Variants in PLXNA4 observed in about 807,000 individuals in gnomAD.
The protein encoded by PLXNA4 is plexin A4.
PLXNA4 carries 44 observed loss-of-function variants against 191.8 expected under a neutral mutation model. That is an observed-to-expected ratio of 0.23 (90% CI 0.18 to 0.29). PLXNA4 has a LOEUF of 0.29. PLXNA4 is among the 10% of genes least tolerant of loss of function. PLXNA4 has a pLI of 1.00. For missense variants in PLXNA4, 1,800 were observed against 2,488.8 expected (o/e 0.72, Z 5.89); for synonymous variants, 1,082 against 1,009.5 (o/e 1.07, Z -1.36).
chr7:132,497,813 T>A (rs1051361506), intron 2 of PLXNA4, among the ~76,000 whole-genome samples: 12 of 152,146 alleles, frequency 7.9e-5, no homozygotes, highest in Non-Finnish European at 1.8e-4. Context: ...ATGGAAACAA[T>A]GCTGGAGTGA....
At chr7:132,420,318 A>T (rs1456286486) in intron 3 of PLXNA4, among the ~76,000 whole-genome samples, 5 of 152,168 alleles carry the variant, frequency 3.3e-5, no homozygotes, top group Admixed American at 3.3e-4. Flanking sequence ...TACCCATGGG[A>T]CTGTGATCCA....
chr7:132,328,078 C>T (rs571285707), intron 3 of PLXNA4, among the ~76,000 whole-genome samples: 14 of 152,188 alleles, frequency 9.2e-5, no homozygotes, highest in South Asian at 2.1e-4. Context: ...TTCCTCGTTC[C>T]GCTCTGGCAG....
intron 2 of PLXNA4, among the ~76,000 whole-genome samples, chr7:132,617,941 T>C (rs1803187544): frequency 6.6e-6 from 1 of 152,220 alleles, no homozygotes; most frequent in East Asian, 1.9e-4. Flanking sequence ...CCTTTACCAT[T>C]GAGCTTCCTT....
intron 1 of PLXNA4, among the ~76,000 whole-genome samples, chr7:132,550,035 C>A (rs775721101): frequency 6.6e-6 from 1 of 152,152 alleles, no homozygotes; most frequent in East Asian, 1.9e-4. Context: ...CCAACCCAGA[C>A]TTTGGGGTTG....
At chr7:132,626,387 G>A (rs925121975) in intron 2 of PLXNA4, among the ~76,000 whole-genome samples, 14 of 152,292 alleles carry the variant, frequency 9.2e-5, no homozygotes, top group African/African-American at 2.9e-4. Context: ...GATATATGTC[G>A]CTGCCCAAAT....
At chr7:132,647,216 C>T (rs866503334) in intron 1 of PLXNA4, among the ~76,000 whole-genome samples, 1 of 150,864 alleles carries the variant, frequency 6.6e-6, no homozygotes, top group African/African-American at 2.5e-5. Flanking sequence ...CTATCATATA[C>T]ACACATATAC....
At chr7:132,309,412 G>A (rs1801643481) in intron 3 of PLXNA4, among the ~76,000 whole-genome samples, 1 of 152,050 alleles carries the variant, frequency 6.6e-6, no homozygotes, top group Admixed American at 6.6e-5. Context: ...CAGGCACAGA[G>A]ACGCAGGCCA....
intron 2 of PLXNA4, 55 bp downstream of exon 2, chr7:132,507,451 G>C: frequency 6.5e-7 from 1 of 1,533,210 alleles, no homozygotes; most frequent in Non-Finnish European, 8.8e-7. Context: ...CTACAGGCTG[G>C]GGTTCTCATC....
At chr7:132,461,613 T>A (rs1408403030) in intron 3 of PLXNA4, among the ~76,000 whole-genome samples, 3 of 152,186 alleles carry the variant, frequency 2.0e-5, no homozygotes, top group African/African-American at 7.2e-5. Flanking sequence ...TCAACACACA[T>A]CCATATCCTA....
intron 3 of PLXNA4, among the ~76,000 whole-genome samples, chr7:132,369,331 C>A (rs1290343663): frequency 6.6e-6 from 1 of 152,124 alleles, no homozygotes; most frequent in Non-Finnish European, 1.5e-5. Flanking sequence ...AGCATTTTTT[C>A]CCCTTCTCAG....
At chr7:132,466,708 C>T (rs1455319193) in intron 3 of PLXNA4, among the ~76,000 whole-genome samples, 5 of 152,176 alleles carry the variant, frequency 3.3e-5, no homozygotes, top group African/African-American at 1.2e-4. Context: ...CCCCCTCCCT[C>T]GGGGGCAGTC....
At position 132,508,684 on chromosome 7, in the gene PLXNA4, T is replaced by C; in HGVS notation, c.10A>G (p.Met4Val). Residue 4 changes from methionine (M) to valine (V), a missense_variant, in exon 2 of 32, where the codon ATG becomes GTG. Coordinates refer to ENST00000321063, the MANE Select transcript of PLXNA4 (RefSeq NM_020911.2). The surrounding 1 kb of genome is among the most constrained non-coding windows in gnomAD (Gnocchi z 4.4). MKA[M>V]PWNWTCLLSH... The stretch of plus-strand genomic sequence containing the variant: ...AGAAGGCAGGTCCAGTTCCAGGGCA[T>C]GGCTTTCATGGCAGAGGCGGGTCCC... 6.6e-7 allele frequency: 1 copy of C among 1,515,634 alleles called. No homozygotes were observed. 93.9% of individuals were successfully genotyped at this position (1,515,634 alleles called of 1,614,324 possible). A position where few individuals can be genotyped will look rare whatever the true frequency, so the allele number is the denominator to read the frequency against.
At chr7:132,226,057 G>C in intron 8 of PLXNA4, 104 bp downstream of exon 8, 1 of 1,082,062 alleles carries the variant, frequency 9.2e-7, no homozygotes, top group Non-Finnish European at 1.4e-6. Context: ...GCCTCCTCTG[G>C]GGCTTCTAAA....
chr7:132,146,477 G>A, intron 28 of PLXNA4, 33 bp downstream of exon 28: 1 of 1,614,038 alleles, frequency 6.2e-7, no homozygotes, highest in Non-Finnish European at 8.5e-7. Flanking sequence ...CATAGCCTCT[G>A]GGCTCCCTGC....
chr7:132,563,082 C>CT (rs1190377929), intron 1 of PLXNA4, among the ~76,000 whole-genome samples: 1 of 88,888 alleles, frequency 1.1e-5, no homozygotes, highest in Non-Finnish European at 2.4e-5. Context: ...CCTCCTTCTC[C>CT]TCCTCCTCTT....
chr7:132,540,447 C>T (rs1314878712), intron 1 of PLXNA4, among the ~76,000 whole-genome samples: 1 of 152,128 alleles, frequency 6.6e-6, no homozygotes, highest in African/African-American at 2.4e-5. Flanking sequence ...AGATCTCCAG[C>T]TCCGTGGGCC....
chr7:132,471,592 T>C (rs1796936684), intron 3 of PLXNA4, among the ~76,000 whole-genome samples: 1 of 152,174 alleles, frequency 6.6e-6, no homozygotes, highest in African/African-American at 2.4e-5. Flanking sequence ...CAGCCTGTTC[T>C]CTCCTCTCTC....
intron 3 of PLXNA4, among the ~76,000 whole-genome samples, chr7:132,301,579 C>T (rs1801307775): frequency 6.6e-6 from 1 of 152,132 alleles, no homozygotes; most frequent in Non-Finnish European, 1.5e-5. Context: ...AGTGGTCATG[C>T]TTCTATGAGT....
chr7:132,586,422 A>C (rs969184970), intron 2 of PLXNA4, among the ~76,000 whole-genome samples: 5 of 152,216 alleles, frequency 3.3e-5, no homozygotes, highest in Admixed American at 3.3e-4. Context: ...GGAATAAAAA[A>C]GGTGAGAGAG....
Sources: gnomAD v4.1 joint callset for allele counts (sites outside exome capture counted in the v4.1 genomes callset) on GRCh38, gnomAD v4.1.1 for gene constraint, Gnocchi (gnomAD v3.1) non-coding constraint, MANE v1.5 for transcripts, NCBI Gene and HGNC (gene_info 2026-07-23, HGNC 2026-07-21) for gene names.